The following NCOA1 variants were observed in gnomAD, a reference collection of about 807,000 sequenced individuals.
The protein encoded by NCOA1 is nuclear receptor coactivator 1, also known as Hin-2 protein.
In NCOA1, 35 loss-of-function variants were observed where a neutral mutation model predicts 150.9. The ratio of observed to expected loss-of-function variants is 0.23; its 90% CI spans 0.18 to 0.31. NCOA1 has a LOEUF of 0.31. Among genes scored for constraint, NCOA1 ranks in the 10% least tolerant of loss-of-function variants. The pLI, the probability that NCOA1 is intolerant of heterozygous loss-of-function variation, is 1.00. For missense variants in NCOA1, 1,491 were observed against 1,749.3 expected (o/e 0.85, Z 2.63); for synonymous variants, 590 against 630.0 (o/e 0.94, Z 0.95).
rs1055970561 is a variant in NCOA1 at position 24,752,408 on chromosome 2, T to G, written c.3881+252T>G. Among the ~76,000 whole-genome samples the G allele has an allele frequency of 5.9e-5, 9 of 152,354 alleles. No homozygotes were observed. The East Asian group carries it at 7.7e-4, about 13-fold the overall frequency. ...TATTCACAGGCTAAGTAGAAGATTA[T>G]TGGCTACTTCCATTTGCATAATGGA... On this transcript the variant is annotated intron_variant, in intron 20 of 22. Coordinates refer to ENST00000348332, the MANE Select transcript of NCOA1 (RefSeq NM_003743.5).
intron 1 of NCOA1, among the ~76,000 whole-genome samples, chr2:24,502,335 C>T (rs1302591495): frequency 6.6e-6 from 1 of 152,172 alleles, no homozygotes; most frequent in African/African-American, 2.4e-5. Context: ...GTTTTGTAGG[C>T]TCTTTTCTCC....
At chr2:24,507,796 A>AT (rs1169317575) in intron 1 of NCOA1, among the ~76,000 whole-genome samples, 30 of 152,158 alleles carry the variant, frequency 2.0e-4, no homozygotes, top group African/African-American at 7.2e-4. Context: ...TCCTTCTCTT[A>AT]TAACTGTATA....
chr2:24,701,506 C>CAA (rs577569400), intron 11 of NCOA1, among the ~76,000 whole-genome samples: 1,764 of 78,292 alleles, frequency 0.023, 27 homozygotes, highest in Non-Finnish European at 0.031. Context: ...GACACTGTCT[C>CAA]AAAAAAAAAA....
At chr2:24,747,166 A>G (rs1326049189) in intron 19 of NCOA1, among the ~76,000 whole-genome samples, 1 of 152,146 alleles carries the variant, frequency 6.6e-6, no homozygotes, top group Non-Finnish European at 1.5e-5. Flanking sequence ...TCATTCCAAT[A>G]TGAACAGTTA....
chr2:24,610,163 C>G (rs776934570), intron 3 of NCOA1, among the ~76,000 whole-genome samples: 16 of 126,130 alleles, frequency 1.3e-4, no homozygotes, highest in Non-Finnish European at 2.5e-4. Context: ...GAGTCTCTGT[C>G]GCTCAGGCTG....
chr2:24,501,190 T>C (rs1663446044), intron 1 of NCOA1, among the ~76,000 whole-genome samples: 1 of 152,218 alleles, frequency 6.6e-6, no homozygotes, highest in Admixed American at 6.5e-5. Context: ...AAATTGAATA[T>C]CATGTTTTAT....
intron 3 of NCOA1, among the ~76,000 whole-genome samples, chr2:24,610,121 A>ATTTTTT (rs1558836368): frequency 4.5e-5 from 5 of 111,932 alleles, no homozygotes; most frequent in South Asian, 2.8e-4. Flanking sequence ...TATAGGCTGC[A>ATTTTTT]TTCTTTTTTT....
At chr2:24,696,267 G>C (rs2148570494) in intron 10 of NCOA1, among the ~76,000 whole-genome samples, 1 of 152,160 alleles carries the variant, frequency 6.6e-6, no homozygotes, top group East Asian at 1.9e-4. Context: ...AACAAAATGA[G>C]ATATATAAAG....
At chr2:24,668,693 C>T (rs1671542878) in intron 6 of NCOA1, among the ~76,000 whole-genome samples, 1 of 151,628 alleles carries the variant, frequency 6.6e-6, no homozygotes, top group Non-Finnish European at 1.5e-5. Context: ...AATCTTAACA[C>T]AAAGAAAGGT....
rs181705736 is a variant in NCOA1, at chr2:24,585,762, T to C, written c.-175+1202T>C. On this transcript the variant is annotated intron_variant, in intron 3 of 22. Coordinates refer to ENST00000348332, the MANE Select transcript of NCOA1 (RefSeq NM_003743.5). Reference sequence around the variant, plus strand: ...CCAATGTAAGATTTTCATATACACGTATATTTCTTTGTCTCTATTAATGTT... The same window carrying C: ...CCAATGTAAGATTTTCATATACACGCATATTTCTTTGTCTCTATTAATGTT... Among the ~76,000 whole-genome samples the C allele has an allele frequency of 2.9e-4, 44 of 152,278 alleles. No homozygotes were observed. The East Asian group carries it at 6.7e-3, about 23-fold the overall frequency.
intron 3 of NCOA1, among the ~76,000 whole-genome samples, chr2:24,595,947 A>C (rs923269888): frequency 2.6e-5 from 4 of 152,200 alleles, no homozygotes; most frequent in Non-Finnish European, 5.9e-5. Context: ...GTAGTTGCAG[A>C]GGAAAATCTG....
chr2:24,654,661 T>G (rs1034832980), intron 4 of NCOA1, among the ~76,000 whole-genome samples: 1 of 152,212 alleles, frequency 6.6e-6, no homozygotes, highest in African/African-American at 2.4e-5. Flanking sequence ...CTCCAGTGAC[T>G]GCCTCAGTCA....
chr2:24,532,713 C>T (rs1050333461), intron 1 of NCOA1, among the ~76,000 whole-genome samples: 7 of 152,184 alleles, frequency 4.6e-5, no homozygotes, highest in Non-Finnish European at 1.0e-4. Flanking sequence ...ATAGGGAATC[C>T]TTTCCCCATT....
intron 6 of NCOA1, among the ~76,000 whole-genome samples, chr2:24,672,341 G>A (rs1671725544): frequency 6.6e-6 from 1 of 152,084 alleles, no homozygotes; most frequent in African/African-American, 2.4e-5. Flanking sequence ...ATACCGAATG[G>A]TGGCTATATT....
intron 17 of NCOA1, among the ~76,000 whole-genome samples, chr2:24,738,578 T>A (rs960693881): frequency 6.6e-6 from 1 of 152,144 alleles, no homozygotes; most frequent in Non-Finnish European, 1.5e-5. Context: ...ATATTAATGG[T>A]TAGATGTTAG....
intron 2 of NCOA1, among the ~76,000 whole-genome samples, chr2:24,572,282 T>A (rs1244311184): frequency 6.6e-6 from 1 of 152,198 alleles, no homozygotes; most frequent in Non-Finnish European, 1.5e-5. Context: ...GTAATCTCTG[T>A]GTTCTCTGCA....
chr2:24,753,407 C>T (rs1664344070), intron 20 of NCOA1, among the ~76,000 whole-genome samples: 1 of 151,974 alleles, frequency 6.6e-6, no homozygotes, highest in East Asian at 1.9e-4. Flanking sequence ...TCTCAATAAC[C>T]TATTTCTCTG....
chr2:24,615,596 T>C (rs1402009867), intron 3 of NCOA1, among the ~76,000 whole-genome samples: 1 of 152,192 alleles, frequency 6.6e-6, no homozygotes, highest in Non-Finnish European at 1.5e-5. Context: ...CAATGCTGAC[T>C]GTCAATGTTG....
Position 24,769,694 on chromosome 2 carries a change from T to C in NCOA1, c.*1303T>C. Reference sequence around the variant, plus strand: ...GGCTAATTGGTACCATATTTTCCCTTTGTGTCTTGTGACTCTGCCACATCC... The same window carrying C: ...GGCTAATTGGTACCATATTTTCCCTCTGTGTCTTGTGACTCTGCCACATCC... On this transcript the variant is annotated 3_prime_UTR_variant, in exon 23 of 23. Transcript: ENST00000348332. 1 of 218,124 alleles carries C rather than the reference T, an allele frequency of 4.6e-6. No individual in the cohort carries two copies. The highest frequency in any genetic ancestry group is 9.2e-6 in the Non-Finnish European group (1 of 108,198). The allele number at this position is 218,124 out of a possible 1,614,324, so 13.5% of individuals were successfully genotyped here.
Sources: gnomAD v4.1 joint callset for allele counts (sites outside exome capture counted in the v4.1 genomes callset) on GRCh38, gnomAD v4.1.1 for gene constraint, MANE v1.5 for transcripts, NCBI Gene and HGNC (gene_info 2026-07-23, HGNC 2026-07-21) for gene names.